The following NAALADL2 variants were observed in gnomAD, a reference collection of about 807,000 sequenced individuals.
NAALADL2 encodes inactive N-acetylated-alpha-linked acidic dipeptidase-like protein 2.
A neutral mutation model predicts 87.2 loss-of-function variants in NAALADL2; 76 were observed. The ratio of observed to expected loss-of-function variants is 0.87; its 90% CI spans 0.72 to 1.05. The LOEUF is 1.05. Ranked by LOEUF, NAALADL2 falls within the 50% of genes least tolerant of loss-of-function variation. The probability of loss-of-function intolerance (pLI) is 0.00; values close to 1 mark genes in which losing one functional copy is unlikely to be tolerated. For missense variants in NAALADL2, 1,089 were observed against 945.8 expected, an observed-to-expected ratio of 1.15 and a Z score of -1.99; for synonymous variants, 354 against 331.0, an observed-to-expected ratio of 1.07 and a Z score of -0.75.
chr3:175,003,930 CAAT>C (rs746594131), intron 1 of NAALADL2, among the ~76,000 whole-genome samples: 27 of 152,270 alleles, frequency 1.8e-4, no homozygotes, highest in Non-Finnish European at 2.9e-4. Context: ...CAGAAAACAA[CAAT>C]GAGACAGATG....
chr3:175,141,256 G>C (rs1729950849), intron 2 of NAALADL2, among the ~76,000 whole-genome samples: 1 of 151,944 alleles, frequency 6.6e-6, no homozygotes, highest in Non-Finnish European at 1.5e-5. Context: ...TACAAAATGT[G>C]TTATCAACCT....
upstream of NAALADL2, among the ~76,000 whole-genome samples, chr3:174,855,925 G>T (rs1030623742): frequency 1.4e-5 from 2 of 147,690 alleles, no homozygotes; most frequent in Admixed American, 6.9e-5. Flanking sequence ...TATACACATA[G>T]ATATGAATAT....
In NAALADL2 at chr3:174,736,672, G is replaced by T. The variant is rs550584214; in HGVS notation, c.-114-969G>T. The stretch of plus-strand genomic sequence containing the variant: ...CTGATTGGCTCATGGGCAGCCTTTC[G>T]TCGGCCTGGAAAAAGCACCATAGTT... On this transcript the variant is annotated intron_variant, in intron 2 of 3. Transcript: ENST00000434257. Among the ~76,000 whole-genome samples, 7 of 152,162 alleles carry T rather than the reference G, an allele frequency of 4.6e-5. No homozygotes were observed. In the East Asian group the frequency reaches 1.4e-3, roughly 30 times the overall value.
At chr3:174,993,944 T>C (rs1326284372) in intron 1 of NAALADL2, among the ~76,000 whole-genome samples, 31 of 152,190 alleles carry the variant, frequency 2.0e-4, no homozygotes, top group Admixed American at 1.8e-3. Context: ...TGATCACATT[T>C]GCATTCTCCC....
rs185700781 is a variant in NAALADL2, at chr3:175,511,629, G to A, written c.1653+39871G>A. ...GTGTGGTATTTCTTAATACAGCCAT[G>A]GCAAATAAATACAGAGACTCTCACT... On this transcript the variant is annotated intron_variant, in intron 9 of 13. Transcript: ENST00000454872. Among the ~76,000 whole-genome samples the A allele has an allele frequency of 4.9e-3, 750 of 152,238 alleles. 8 individuals are homozygous for A. The highest frequency in any genetic ancestry group is 0.017 in the African/African-American group (723 of 41,522).
intron 5 of NAALADL2, among the ~76,000 whole-genome samples, chr3:175,445,851 G>A (rs1289808034): frequency 6.6e-6 from 1 of 151,970 alleles, no homozygotes; most frequent in Non-Finnish European, 1.5e-5. Flanking sequence ...CAATATGTTA[G>A]CACACATCTG....
intron 1 of NAALADL2, among the ~76,000 whole-genome samples, chr3:174,920,001 G>C (rs562287960): frequency 1.3e-5 from 2 of 152,130 alleles, no homozygotes; most frequent in Admixed American, 1.3e-4. Context: ...AATAGGTCTC[G>C]ACAGTGGGCT....
intron 3 of NAALADL2, among the ~76,000 whole-genome samples, chr3:175,253,471 A>G (rs1172655603): frequency 6.6e-6 from 1 of 152,222 alleles, no homozygotes; most frequent in African/African-American, 2.4e-5. Flanking sequence ...TGGTCACCCA[A>G]GAGCTCCGAT....
At chr3:175,238,590 A>C (rs2109562387) in intron 3 of NAALADL2, among the ~76,000 whole-genome samples, 1 of 152,304 alleles carries the variant, frequency 6.6e-6, no homozygotes, top group African/African-American at 2.4e-5. Context: ...TCATTTCTTA[A>C]AACTCAGATT....
At chr3:174,443,829 G>A (rs1714848128) in intron 1 of NAALADL2, among the ~76,000 whole-genome samples, 1 of 144,870 alleles carries the variant, frequency 6.9e-6, no homozygotes, top group African/African-American at 2.4e-5. Context: ...TCAAGAAGTA[G>A]AGGGCTGATC....
intron 1 of NAALADL2, among the ~76,000 whole-genome samples, chr3:174,964,958 T>G (rs541015495): frequency 1.1e-3 from 162 of 151,960 alleles, no homozygotes; most frequent in Non-Finnish European, 1.9e-3. Context: ...GAGGAGGTGG[T>G]TGTATTACTT....
At chr3:175,591,806 A>G (rs201826618) in intron 10 of NAALADL2, among the ~76,000 whole-genome samples, 99,300 of 140,638 alleles carry the variant, frequency 0.71, 35,882 homozygotes, top group East Asian at 0.88. Context: ...ATATATATAT[A>G]TATATATATA....
chr3:174,867,871 G>T (rs1409036637), intron 1 of NAALADL2, among the ~76,000 whole-genome samples: 1 of 151,954 alleles, frequency 6.6e-6, no homozygotes, highest in African/African-American at 2.4e-5. Flanking sequence ...CAAAATTAGA[G>T]AATTTATTCC....
rs148460015 is a variant in NAALADL2, at chr3:175,709,952, CTG to C, written c.1897-27351_1897-27350del. Among the ~76,000 whole-genome samples, 530 of 152,134 alleles carry C rather than the reference CTG, an allele frequency of 3.5e-3. 4 individuals carry two copies. Among genetic ancestry groups the C allele is most frequent in the East Asian group, 0.019 (96 of 5,168 alleles). ...TAAGTGTGATGCGAGGAAATCAAGA[CTG>C]TGAATACAAAAGCTCTTTCAAGAAA... On this transcript the variant is annotated intron_variant, in intron 11 of 13. Transcript: ENST00000454872.
chr3:174,987,881 A>C (rs891937942), intron 1 of NAALADL2, among the ~76,000 whole-genome samples: 3 of 148,188 alleles, frequency 2.0e-5, no homozygotes, highest in Admixed American at 6.7e-5. Flanking sequence ...TAGGTTGCCC[A>C]GGCTTGTCTT....
rs541559004 is a variant in NAALADL2 at position 175,351,559 on chromosome 3, A to G, written c.1090+27234A>G. Among the ~76,000 whole-genome samples the G allele has an allele frequency of 5.9e-5, 9 of 152,206 alleles. 1 individual carries two copies. The South Asian group carries it at 1.9e-3, about 32-fold the overall frequency. ...ATTTATTTTGGACAATAGAAGATAG[A>G]CAGTTGAATGTAAGGTATGAGGAAG... On this transcript the variant is annotated intron_variant, in intron 5 of 13. Coordinates refer to ENST00000454872, the MANE Select transcript of NAALADL2 (RefSeq NM_207015.3).
chr3:175,423,018 G>GAAAAAAAAA (rs1218647180), intron 5 of NAALADL2, among the ~76,000 whole-genome samples: 5 of 61,594 alleles, frequency 8.1e-5, no homozygotes, highest in African/African-American at 7.9e-5. Context: ...AGGTCCTTAA[G>GAAAAAAAAA]AAAAAAAAAA....
At chr3:175,528,427 T>A (rs1183993603) in intron 9 of NAALADL2, among the ~76,000 whole-genome samples, 1 of 152,042 alleles carries the variant, frequency 6.6e-6, no homozygotes, top group Non-Finnish European at 1.5e-5. Flanking sequence ...GCTGATTAGA[T>A]GGTGACCACC....
At chr3:174,670,685 T>A (rs1679929578) in intron 2 of NAALADL2, among the ~76,000 whole-genome samples, 1 of 152,248 alleles carries the variant, frequency 6.6e-6, no homozygotes, top group Admixed American at 6.5e-5. Context: ...TATTGATTTT[T>A]GATCTTTAAA....
Sources: gnomAD v4.1 joint callset for allele counts (sites outside exome capture counted in the v4.1 genomes callset) on GRCh38, gnomAD v4.1.1 for gene constraint, MANE v1.5 for transcripts, NCBI Gene and HGNC (gene_info 2026-07-23, HGNC 2026-07-21) for gene names.